Variants in SORL1 observed in about 807,000 individuals in gnomAD.
SORL1 encodes the protein sortilin-related receptor.
Under a neutral mutation model 273.7 loss-of-function variants are expected in SORL1, and 127 were observed. The ratio of observed to expected loss-of-function variants is 0.46; its 90% CI spans 0.40 to 0.54. The LOEUF is 0.54. Among genes scored for constraint, SORL1 ranks in the 20% least tolerant of loss-of-function variants. SORL1 has a pLI of 0.00. For missense variants in SORL1, 2,494 were observed against 2,846.1 expected, an observed-to-expected ratio of 0.88 and a Z score of 2.81; for synonymous variants, 1,031 against 1,067.4, an observed-to-expected ratio of 0.97 and a Z score of 0.66.
At chr11:121,560,420 C>T (rs1862653742) in intron 21 of SORL1, among the ~76,000 whole-genome samples, 1 of 152,178 alleles carries the variant, frequency 6.6e-6, no homozygotes, top group Non-Finnish European at 1.5e-5. Flanking sequence ...TTCATGACTG[C>T]TCTTTGATTT....
intron 27 of SORL1, 143 bp from the exon 28 acceptor site, chr11:121,587,877 G>T: frequency 1.2e-6 from 1 of 861,042 alleles, no homozygotes; most frequent in Non-Finnish European, 1.8e-6. Context: ...TCTAGGCTTG[G>T]CAGAAAACAA....
At chr11:121,558,407 T>C (rs1862623450) in intron 19 of SORL1, among the ~76,000 whole-genome samples, 184 bp from the exon 20 acceptor site, 1 of 152,238 alleles carries the variant, frequency 6.6e-6, no homozygotes, top group Non-Finnish European at 1.5e-5. Context: ...TAAATTCTAG[T>C]AAAGGAATTT....
In SORL1 at chr11:121,452,531, G is replaced by C; in HGVS notation, c.200G>C (p.Arg67Thr). ...CGGCTGTGGGCGCGCGGGGATGCCA[G>C]GGGGGCGAGCCGCGCGGACGAGAAG... The part of the protein sequence containing the change: ...ELRLWARGDA[R>T]GASRADEKPL... Residue 67 changes from arginine to threonine, a missense_variant, in exon 1 of 48, where the codon AGG becomes ACG. This residue lies in a region of SORL1 where 175 missense variants were observed against 147.1 expected (regional missense o/e 1.19). Coordinates refer to ENST00000260197, the MANE Select transcript of SORL1 (RefSeq NM_003105.6). The surrounding 1 kb of genome is among the most constrained non-coding windows in gnomAD (Gnocchi z 5.3). The C allele has an allele frequency of 2.3e-5, 34 of 1,486,412 alleles. No homozygotes were observed. Among genetic ancestry groups the C allele is most frequent in the Non-Finnish European group, 3.0e-5 (34 of 1,123,638 alleles). The allele number at this position is 1,486,412 out of a possible 1,614,324, so 92.1% of individuals were successfully genotyped here. A position where few individuals can be genotyped will look rare whatever the true frequency, so the allele number is the denominator to read the frequency against.
Position 121,595,156 on chromosome 11 carries a change from G to A in SORL1, c.4370-467G>A, listed in dbSNP as rs1863274029. Among the ~76,000 whole-genome samples the A allele has an allele frequency of 6.6e-6, 1 of 152,220 alleles. No individual in the cohort carries two copies. The highest frequency in any genetic ancestry group is 6.5e-5 in the Admixed American group (1 of 15,286). On this transcript the variant is annotated intron_variant, in intron 31 of 47. Coordinates refer to ENST00000260197, the MANE Select transcript of SORL1 (RefSeq NM_003105.6). The surrounding 1 kb of genome is among the most constrained non-coding windows in gnomAD (Gnocchi z 5.1). ...GTGGGACTGATAGGAGGGGATATAA[G>A]GAATGTAGCTGCGTCTTAAACATCA...
chr11:121,619,970 T>G, intron 43 of SORL1, 53 bp downstream of exon 43: 1 of 1,408,912 alleles, frequency 7.1e-7, no homozygotes, highest in Non-Finnish European at 1.0e-6. Flanking sequence ...CTGGTTAGGG[T>G]GGGGTGGGAT....
At chr11:121,478,367 G>T in intron 3 of SORL1, 124 bp downstream of exon 3, 2 of 1,118,544 alleles carry the variant, frequency 1.8e-6, no homozygotes, top group Non-Finnish European at 2.5e-6. Flanking sequence ...CTGGTGGCTA[G>T]TGAGTTTTTG....
At chr11:121,618,696 T>G (rs2134944095) in intron 41 of SORL1, 78 bp from the exon 42 acceptor site, 1 of 1,563,154 alleles carries the variant, frequency 6.4e-7, no homozygotes, top group Middle Eastern at 1.7e-4. Flanking sequence ...AGTTCCAGGG[T>G]CTTAAATTGG....
At chr11:121,598,667 C>T (rs886357124) in intron 32 of SORL1, among the ~76,000 whole-genome samples, 1 of 152,186 alleles carries the variant, frequency 6.6e-6, no homozygotes, top group Non-Finnish European at 1.5e-5. Context: ...ATGATCTCTA[C>T]GGTGATGGAC....
chr11:121,582,906 T>A (rs1352987345), intron 25 of SORL1, among the ~76,000 whole-genome samples: 1 of 152,172 alleles, frequency 6.6e-6, no homozygotes. Flanking sequence ...AGCAGGGCCC[T>A]TAGGTTTCAC....
chr11:121,598,870 C>G (rs1863342298), intron 32 of SORL1, among the ~76,000 whole-genome samples: 1 of 152,170 alleles, frequency 6.6e-6, no homozygotes, highest in African/African-American at 2.4e-5. Context: ...CCAGGAATGT[C>G]ACTTTTGCTT....
intron 8 of SORL1, among the ~76,000 whole-genome samples, chr11:121,517,325 A>T (rs1286696302): frequency 6.6e-6 from 1 of 152,184 alleles, no homozygotes; most frequent in Non-Finnish European, 1.5e-5. Context: ...ATATAAATGG[A>T]ATCATACAAT....
At position 121,595,799 on chromosome 11, in the gene SORL1, C is replaced by G. The variant is rs755596616; in HGVS notation, c.4519+27C>G. 1.6e-5 allele frequency: 25 copies of G among 1,606,340 alleles called. No individual in the cohort carries two copies. The highest frequency in any genetic ancestry group is 2.2e-5 in the South Asian group (2 of 90,998). ...TGAGTAGTCAGAGAGCCCTTCACCC[C>G]CTGGGCACGTTTCTGCAGAGAGCAC... On this transcript the variant is annotated intron_variant, in intron 32 of 47. Transcript: ENST00000260197. This position sits in a 1 kb window ranked among gnomAD's most constrained non-coding sequence, Gnocchi z 5.1.
chr11:121,611,200 T>G (rs1168795623), intron 39 of SORL1, 42 bp downstream of exon 39: 1 of 1,328,634 alleles, frequency 7.5e-7, no homozygotes, highest in Non-Finnish European at 1.1e-6. Flanking sequence ...TGGGGCTTTA[T>G]TTTGTATGGG....
At chr11:121,589,211 C>G in intron 28 of SORL1, 48 bp from the exon 29 acceptor site, 1 of 1,607,834 alleles carries the variant, frequency 6.2e-7, no homozygotes. Flanking sequence ...GCTTCGACCC[C>G]TCAGCATGGA....
At chr11:121,604,349 C>T (rs1863436773) in intron 33 of SORL1, 25 bp downstream of exon 33, 1 of 1,486,988 alleles carries the variant, frequency 6.7e-7, no homozygotes, top group East Asian at 2.4e-5. Context: ...ACGGGCTGGG[C>T]TGGGCTGGGC....
chr11:121,614,634 A>G (rs972702778), intron 40 of SORL1: 3 of 415,706 alleles, frequency 7.2e-6, no homozygotes, highest in African/African-American at 2.1e-5. Flanking sequence ...ACCAACTCCT[A>G]TCCGCGGATG....
chr11:121,553,206 T>C (rs1321922664), intron 16 of SORL1, among the ~76,000 whole-genome samples: 1 of 152,238 alleles, frequency 6.6e-6, no homozygotes, highest in Non-Finnish European at 1.5e-5. Flanking sequence ...TTAACCTCTC[T>C]GGTCTCAGTT....
At chr11:121,628,370 G>T (rs1405238930) in intron 47 of SORL1, among the ~76,000 whole-genome samples, 2 of 152,176 alleles carry the variant, frequency 1.3e-5, no homozygotes, top group African/African-American at 2.4e-5. Context: ...CAGATCAGCA[G>T]GCATTAGATT....
intron 25 of SORL1, among the ~76,000 whole-genome samples, chr11:121,577,610 C>G (rs558052225): frequency 1.4e-4 from 22 of 152,316 alleles, no homozygotes; most frequent in Admixed American, 9.1e-4. Flanking sequence ...ACTGATTAAA[C>G]AGTGTTCTGA....
Sources: gnomAD v4.1 joint callset for allele counts (sites outside exome capture counted in the v4.1 genomes callset) on GRCh38, gnomAD v4.1.1 for gene constraint, gnomAD v4.1.1 regional missense constraint, Gnocchi (gnomAD v3.1) non-coding constraint, MANE v1.5 for transcripts, NCBI Gene and HGNC (gene_info 2026-07-23, HGNC 2026-07-21) for gene names.